Variants in HDAC9 observed in about 807,000 individuals in gnomAD.
HDAC9 encodes histone deacetylase 9, also known as MEF-2 interacting transcription repressor (MITR) protein.
Under a neutral mutation model 139.4 loss-of-function variants are expected in HDAC9, and 41 were observed. The ratio of observed to expected loss-of-function variants is 0.29; its 90% CI spans 0.23 to 0.38. The LOEUF is 0.38. HDAC9 is among the 10% of genes least tolerant of loss of function. HDAC9 has a pLI of 1.00. For synonymous variants in HDAC9, 517 were observed against 476.2 expected, an observed-to-expected ratio of 1.09 and a Z score of -1.12; for missense variants, 1,147 against 1,297.0, an observed-to-expected ratio of 0.88 and a Z score of 1.78.
chr7:18,742,357 G>C (rs549860725), intron 13 of HDAC9, among the ~76,000 whole-genome samples: 1 of 152,306 alleles, frequency 6.6e-6, no homozygotes, highest in East Asian at 1.9e-4. Flanking sequence ...CAAGCAAAAA[G>C]ATTATGACTC....
At chr7:18,435,880 T>C (rs911990718) in intron 1 of HDAC9, among the ~76,000 whole-genome samples, 15 of 148,814 alleles carry the variant, frequency 1.0e-4, no homozygotes, top group African/African-American at 3.2e-4. Flanking sequence ...ATATGCAATA[T>C]ATATATGTGT....
intron 22 of HDAC9, among the ~76,000 whole-genome samples, chr7:18,886,849 G>T (rs1277766857): frequency 6.6e-6 from 1 of 152,158 alleles, no homozygotes; most frequent in Non-Finnish European, 1.5e-5. Context: ...GACAAAAAAT[G>T]GTTCTTCCTT....
chr7:18,639,912 A>G (rs1307394685), intron 8 of HDAC9, among the ~76,000 whole-genome samples: 1 of 152,002 alleles, frequency 6.6e-6, no homozygotes, highest in East Asian at 1.9e-4. Context: ...GTTACAAGCT[A>G]TGAGTGGGAG....
chr7:18,827,088 A>C (rs980003496), intron 17 of HDAC9, among the ~76,000 whole-genome samples: 18 of 149,654 alleles, frequency 1.2e-4, no homozygotes, highest in Non-Finnish European at 1.8e-4. Flanking sequence ...CCTCGTCTCA[A>C]AAAAAAACTA....
chr7:18,552,307 C>T (rs74824738), intron 2 of HDAC9, among the ~76,000 whole-genome samples: 1 of 152,024 alleles, frequency 6.6e-6, no homozygotes, highest in South Asian at 2.1e-4. Flanking sequence ...AGCCTGCAGA[C>T]TATTTGGAAA....
At chr7:18,805,449 A>G (rs10215908) in intron 17 of HDAC9, among the ~76,000 whole-genome samples, 14,501 of 152,226 alleles carry the variant, frequency 0.095, 778 homozygotes, top group South Asian at 0.14. Flanking sequence ...CCATGTGGAT[A>G]GGTCCAAGAG....
In HDAC9 at chr7:18,385,621, G is replaced by A. The variant is rs1785849139; in HGVS notation, c.-42+95106G>A. Among the ~76,000 whole-genome samples the A allele has an allele frequency of 3.3e-5, 5 of 152,166 alleles. No individual in the cohort carries two copies. The South Asian group carries it at 1.0e-3, about 32-fold the overall frequency. ...CAATTTTCAAATTGACTAAAATAAG[G>A]GCCATAGTCATACTTACGATATTGT... On this transcript the variant is annotated intron_variant, in intron 1 of 3. Transcript: ENST00000413509.
intron 2 of HDAC9, among the ~76,000 whole-genome samples, chr7:18,584,850 A>G (rs1265437406): frequency 6.6e-6 from 1 of 152,232 alleles, no homozygotes; most frequent in Admixed American, 6.5e-5. Context: ...GACGCTGATT[A>G]CAAAGGAAGA....
chr7:18,134,464 G>A (rs558928385), intron 1 of HDAC9, among the ~76,000 whole-genome samples: 1 of 152,180 alleles, frequency 6.6e-6, no homozygotes, highest in African/African-American at 2.4e-5. Flanking sequence ...CAAAATTCAT[G>A]GATTGAATAT....
chr7:18,949,031 A>AT, intron 23 of HDAC9: 1 of 404,658 alleles, frequency 2.5e-6, no homozygotes. Context: ...ACTTGCTTGC[A>AT]TTTTTGCTTT....
chr7:18,607,404 G>C (rs772024128), intron 6 of HDAC9, among the ~76,000 whole-genome samples: 3 of 152,212 alleles, frequency 2.0e-5, no homozygotes, highest in Non-Finnish European at 4.4e-5. Context: ...TGTGTGACCT[G>C]CACATAGTGC....
rs150446613 is a variant in HDAC9, at chr7:18,126,663, G to T, written c.-96-35566G>T. Among the ~76,000 whole-genome samples the T allele has an allele frequency of 5.7e-4, 87 of 152,244 alleles. No homozygotes were observed. In the East Asian group the frequency reaches 0.012, roughly 21 times the overall value. ...TAGCTTCAATTCTGTGTTTATTACAGTTGGCTGGAGATTTTTCAATTTAGT... is the reference window on the plus strand; with the variant it reads ...TAGCTTCAATTCTGTGTTTATTACATTTGGCTGGAGATTTTTCAATTTAGT... On this transcript the variant is annotated intron_variant, in intron 1 of 12. Coordinates refer to the HDAC9 transcript ENST00000417496.
chr7:18,948,577 T>C (rs1357873173), intron 23 of HDAC9, among the ~76,000 whole-genome samples: 1 of 152,114 alleles, frequency 6.6e-6, no homozygotes, highest in African/African-American at 2.4e-5. Flanking sequence ...AAATATAAAA[T>C]TACTTCAAAA....
chr7:18,257,484 A>G (rs1314781647), intron 2 of HDAC9, among the ~76,000 whole-genome samples: 1 of 152,042 alleles, frequency 6.6e-6, no homozygotes, highest in African/African-American at 2.4e-5. Context: ...GAAGTTCTAC[A>G]TAGAATCCAG....
At chr7:18,234,160 A>G (rs1793661424) in intron 2 of HDAC9, among the ~76,000 whole-genome samples, 1 of 152,208 alleles carries the variant, frequency 6.6e-6, no homozygotes, top group African/African-American at 2.4e-5. Flanking sequence ...TGAGGGAGGC[A>G]GTGTACCAGG....
Position 18,570,750 on chromosome 7 carries a change from A to G in HDAC9, c.23-14531A>G, listed in dbSNP as rs563096900. 2.0e-5 allele frequency among the ~76,000 whole-genome samples: 3 copies of G among 152,384 alleles called. No homozygotes were observed. The East Asian group carries it at 5.8e-4, about 29-fold the overall frequency. ...ATAGGTTACTAGATATTGCAACCTC[A>G]TAATGTTGTAAAGAACAAATGAATG... is the stretch of plus-strand genomic sequence containing the variant. On this transcript the variant is annotated intron_variant, in intron 2 of 25. Coordinates refer to ENST00000686413, the MANE Select transcript of HDAC9 (RefSeq NM_178425.4).
chr7:18,932,848 A>AAAAGAAAGAAAGAAAGAAAGAAAG (rs71017014), intron 22 of HDAC9, among the ~76,000 whole-genome samples: 9,355 of 138,114 alleles, frequency 0.068, 352 homozygotes, highest in Non-Finnish European at 0.074. Context: ...AGGAAGGAAA[A>AAAAGAAAGAAAGAAAGAAAGAAAG]AAAGAAAGAA....
chr7:18,927,663 A>G (rs1465512571), intron 22 of HDAC9, among the ~76,000 whole-genome samples: 2 of 152,250 alleles, frequency 1.3e-5, no homozygotes, highest in Non-Finnish European at 2.9e-5. Flanking sequence ...TGAAGTCTTC[A>G]TAAACATTTC....
intron 13 of HDAC9, among the ~76,000 whole-genome samples, chr7:18,732,944 C>CACACGTGTATGTGTATGTATGTGTATAT (rs1786427114): frequency 5.4e-5 from 4 of 74,312 alleles, no homozygotes; most frequent in African/African-American, 3.0e-4. Context: ...TATGTGTATA[C>CACACGTGTATGTGTATGTATGTGTATAT]ACACGTGTAT....
Sources: allele counts gnomAD v4.1 joint callset (sites outside exome capture counted in the v4.1 genomes callset), GRCh38; gene constraint gnomAD v4.1.1; transcripts MANE v1.5; gene names NCBI Gene and HGNC (gene_info 2026-07-23, HGNC 2026-07-21).